The following TUBGCP3 variants were observed in gnomAD, a reference collection of about 807,000 sequenced individuals.
TUBGCP3 encodes the protein tubulin gamma complex component 3.
Under a neutral mutation model 123.1 loss-of-function variants are expected in TUBGCP3, and 50 were observed. That is an observed-to-expected ratio of 0.41 (90% confidence interval 0.32 to 0.51). TUBGCP3 has a LOEUF of 0.51. TUBGCP3 is among the 20% of genes least tolerant of loss of function. TUBGCP3 has a pLI of 0.36. For synonymous variants in TUBGCP3, 405 were observed against 413.9 expected (o/e 0.98, Z 0.26); for missense variants, 882 against 1,127.0 (o/e 0.78, Z 3.11).
At position 112,559,407 on chromosome 13, in the gene TUBGCP3, G is replaced by A; in HGVS notation, c.253-8C>T. On this transcript the variant is annotated splice_polypyrimidine_tract_variant and splice_region_variant and intron_variant, in intron 3 of 21. Coordinates refer to ENST00000261965, the MANE Select transcript of TUBGCP3 (RefSeq NM_006322.6). ...TTTATTTTTCAAAACTCCCTGTTTG[G>A]AAAAAAGTTAATATTAAAAGAACGA... 1 of 1,589,096 alleles carries A rather than the reference G, an allele frequency of 6.3e-7. No homozygotes were observed.
intron 1 of TUBGCP3, among the ~76,000 whole-genome samples, chr13:112,571,177 A>C (rs2139283921): frequency 6.6e-6 from 1 of 152,330 alleles, no homozygotes; most frequent in South Asian, 2.1e-4. Context: ...ATCTAGAATG[A>C]TGAATCCTTT....
chr13:112,497,038 G>A (rs1439765283), intron 20 of TUBGCP3, among the ~76,000 whole-genome samples: 1 of 151,808 alleles, frequency 6.6e-6, no homozygotes, highest in African/African-American at 2.4e-5. Flanking sequence ...AGACAGTTTA[G>A]TAATTCTCTA....
chr13:112,487,095 G>GTA (rs1879738714), intron 21 of TUBGCP3, among the ~76,000 whole-genome samples: 1 of 151,810 alleles, frequency 6.6e-6, no homozygotes, highest in African/African-American at 2.4e-5. Flanking sequence ...GTGTGTGTGT[G>GTA]TGTGTGTATC....
intron 20 of TUBGCP3, among the ~76,000 whole-genome samples, chr13:112,494,667 A>AT (rs1483824536): frequency 1.2e-4 from 19 of 152,204 alleles, no homozygotes; most frequent in African/African-American, 4.6e-4. Flanking sequence ...TGGTGGCTGG[A>AT]CTAATCCATG....
chr13:112,519,871 G>A lies in TUBGCP3; in HGVS notation c.1881+15C>T, dbSNP rs906982151. 28 of 1,608,840 alleles carry A rather than the reference G, an allele frequency of 1.7e-5. No homozygotes were observed. Among genetic ancestry groups the A allele is most frequent in the Admixed American group, 1.0e-4 (6 of 59,552 alleles). ...GGTGCCGGGGCGGCGTTCCCAACAC[G>A]CAGAGCCGCAGTACCTCCAGCAGCC... is the stretch of plus-strand genomic sequence containing the variant. On this transcript the variant is annotated intron_variant, in intron 15 of 21. Transcript: ENST00000261965. This position sits in a 1 kb window ranked among gnomAD's most constrained non-coding sequence, Gnocchi z 6.2.
intron 5 of TUBGCP3, among the ~76,000 whole-genome samples, chr13:112,557,480 A>G (rs1285385242): frequency 6.6e-6 from 1 of 152,222 alleles, no homozygotes; most frequent in Non-Finnish European, 1.5e-5. Context: ...TTCTGGAAAA[A>G]TATCTACTTT....
At chr13:112,590,697 A>T (rs1351617831), upstream of TUBGCP3, among the ~76,000 whole-genome samples, 1 of 152,232 alleles carries the variant, frequency 6.6e-6, no homozygotes, top group Non-Finnish European at 1.5e-5. Flanking sequence ...CTGCACAAAT[A>T]ATCCAGTTAG....
intron 1 of TUBGCP3, among the ~76,000 whole-genome samples, chr13:112,573,712 T>C (rs1881592291): frequency 6.6e-6 from 1 of 152,228 alleles, no homozygotes; most frequent in South Asian, 2.1e-4. Flanking sequence ...AATAAGTGGA[T>C]TGGAGCTGGT....
At chr13:112,549,341 G>C (rs1206412796) in intron 8 of TUBGCP3, among the ~76,000 whole-genome samples, 1 of 151,922 alleles carries the variant, frequency 6.6e-6, no homozygotes, top group Non-Finnish European at 1.5e-5. Flanking sequence ...TTGTGGGGTG[G>C]GGGGAGCGGG....
intron 1 of TUBGCP3, among the ~76,000 whole-genome samples, chr13:112,574,706 C>T (rs895459181): frequency 3.3e-5 from 5 of 152,224 alleles, no homozygotes; most frequent in Non-Finnish European, 5.9e-5. Context: ...ATACATAAAA[C>T]ACCTCCAATC....
intron 17 of TUBGCP3, among the ~76,000 whole-genome samples, chr13:112,516,002 G>A (rs898412962): frequency 2.0e-5 from 3 of 152,148 alleles, no homozygotes; most frequent in Non-Finnish European, 4.4e-5. Flanking sequence ...TTTATATAAA[G>A]ACTTCAAAAT....
chr13:112,489,485 C>T (rs1177322667), intron 21 of TUBGCP3, 96 bp downstream of exon 21: 1 of 863,832 alleles, frequency 1.2e-6, no homozygotes, highest in Non-Finnish European at 2.0e-6. Flanking sequence ...GTCAGACTGA[C>T]AGGGCTGACT....
At chr13:112,592,912 A>G (rs887657394), upstream of TUBGCP3, among the ~76,000 whole-genome samples, 1 of 152,252 alleles carries the variant, frequency 6.6e-6, no homozygotes, top group African/African-American at 2.4e-5. The surrounding 1 kb of genome is among the most constrained non-coding windows in gnomAD (Gnocchi z 4.1). Context: ...CAGCCAGCCA[A>G]CTTTCCAGGC....
At chr13:112,562,073 G>C (rs1465868977) in intron 3 of TUBGCP3, among the ~76,000 whole-genome samples, 1 of 145,172 alleles carries the variant, frequency 6.9e-6, no homozygotes, top group Non-Finnish European at 1.5e-5. Context: ...CCAGCCAGGA[G>C]CAACTATGGG....
chr13:112,554,541 T>A (rs1435222931), intron 7 of TUBGCP3, among the ~76,000 whole-genome samples: 1 of 152,092 alleles, frequency 6.6e-6, no homozygotes, highest in Non-Finnish European at 1.5e-5. Flanking sequence ...CAAAAGTGGG[T>A]GAAGACCCCT....
chr13:112,522,448 A>C lies in TUBGCP3; in HGVS notation c.1617T>G (p.Phe539Leu). Residue 539 changes from phenylalanine to leucine, a missense_variant, in exon 14 of 22, where the codon TTT becomes TTG. Around this residue, in one of 3 missense-constraint regions of TUBGCP3, gnomAD observed 713 missense variants for 874.0 expected, o/e 0.82. Transcript: ENST00000261965. ...CATCCAACAGGTATTTGCTGGTCTC[A>C]AAATAAGCAGCATCAATCTTCCCCT... ...AFQGKIDAAY[F>L]ETSKYLLDVL... 6.2e-7 allele frequency: 1 copy of C among 1,614,120 alleles called. No individual in the cohort carries two copies.
intron 1 of TUBGCP3, among the ~76,000 whole-genome samples, chr13:112,570,040 AG>A (rs1203171993): frequency 6.6e-6 from 1 of 152,184 alleles, no homozygotes; most frequent in Admixed American, 6.5e-5. Flanking sequence ...AGAAGCAAGC[AG>A]GGCTGAAGGG....
intron 17 of TUBGCP3, among the ~76,000 whole-genome samples, chr13:112,512,451 G>A (rs1290243907): frequency 8.2e-5 from 10 of 121,260 alleles, no homozygotes; most frequent in East Asian, 2.4e-4. Flanking sequence ...AAAAAAAAAA[G>A]GCCCAGACAC....
chr13:112,488,063 C>T lies in TUBGCP3; in HGVS notation c.2565+1518G>A, dbSNP rs147793978. Among the ~76,000 whole-genome samples the T allele has an allele frequency of 8.1e-4, 118 of 144,844 alleles. 1 individual carries two copies. Among genetic ancestry groups the T allele is most frequent in the African/African-American group, 2.7e-3 (105 of 38,302 alleles). ...AGTAGCATCGTTTGAACCCAGGAGA[C>T]GGGGATTGCAGTGAGCCAAGATCAC... On this transcript the variant is annotated intron_variant, in intron 21 of 21. Transcript: ENST00000261965.
Sources: gnomAD v4.1 joint callset for allele counts (sites outside exome capture counted in the v4.1 genomes callset) on GRCh38, gnomAD v4.1.1 for gene constraint, gnomAD v4.1.1 regional missense constraint, Gnocchi (gnomAD v3.1) non-coding constraint, MANE v1.5 for transcripts, NCBI Gene and HGNC (gene_info 2026-07-23, HGNC 2026-07-21) for gene names.